TMEM200A: variants seen among roughly 807,000 people sequenced by gnomAD.
TMEM200A encodes transmembrane protein 200A.
TMEM200A carries 12 observed loss-of-function variants against 24.3 expected under a neutral mutation model. That is an observed-to-expected ratio of 0.49 (90% CI 0.32 to 0.80). The LOEUF (loss-of-function observed/expected upper bound fraction) is 0.80, where lower values mean the gene tolerates loss of function less well. Among genes scored for constraint, TMEM200A ranks in the 30% least tolerant of loss-of-function variants. The pLI is 0.04. For missense variants in TMEM200A, 545 were observed against 614.4 expected (o/e 0.89, Z 1.19); for synonymous variants, 224 against 224.4 (o/e 1.00, Z 0.02).
rs1780231939 is a variant in TMEM200A at position 130,442,883 on chromosome 6, T to TA, written c.*986dup. On this transcript the variant is annotated 3_prime_UTR_variant, in exon 3 of 3. Transcript: ENST00000296978. The stretch of plus-strand genomic sequence containing the variant: ...ACCTTGACATTTCTTTTTACCTTCA[T>TA]ATGCCACTATCTCGGTAGTTCAAAA... 1 of 166,858 alleles carries TA rather than the reference T, an allele frequency of 6.0e-6. No individual in the cohort carries two copies. The highest frequency in any genetic ancestry group is 2.4e-5 in the African/African-American group (1 of 41,438). The allele number at this position is 166,858 out of a possible 1,614,324, so 10.3% of individuals were successfully genotyped here.
In TMEM200A at chr6:130,441,551, G is replaced by T. The variant is rs749593534; in HGVS notation, c.1129G>T (p.Ala377Ser). 4 of 1,614,018 alleles carry T rather than the reference G, an allele frequency of 2.5e-6. No individual in the cohort carries two copies. Among genetic ancestry groups the T allele is most frequent in the Non-Finnish European group, 3.4e-6 (4 of 1,179,992 alleles). Residue 377 changes from alanine (A) to serine (S), a missense_variant, in exon 3 of 3, where the codon GCT (alanine) becomes TCT (serine). Physicochemically the swap from Ala to Ser is moderately conservative, Grantham distance 99. Transcript: ENST00000296978. The stretch of plus-strand genomic sequence containing the variant: ...GGCTGGACAGCTCTTGTCTCCTGGG[G>T]CTGCCAGAAGACAGTTTGGGTCCAA... Reference protein sequence around the residue: ...PGAGQLLSPGAARRQFGSNTS... With the variant: ...PGAGQLLSPGSARRQFGSNTS...
chr6:130,421,690 C>T (rs1779595511), intron 2 of TMEM200A, among the ~76,000 whole-genome samples: 1 of 152,156 alleles, frequency 6.6e-6, no homozygotes, highest in Non-Finnish European at 1.5e-5. Context: ...CTTTGACCAT[C>T]TCCCATTCCT....
chr6:130,365,632 G>A (rs1583162221), upstream of TMEM200A: 1 of 985,462 alleles, frequency 1.0e-6, no homozygotes, highest in East Asian at 1.1e-4. Context: ...GGTAACCGGT[G>A]GTCCCGCGGT....
Position 130,366,047 on chromosome 6 carries a change from C to A in TMEM200A, c.-558C>A. ...GAGCCGAGCAGAAAACTTTTCCCCT[C>A]CCGTTCCCGGTCCCTTTTGTCTTTC... On this transcript the variant is annotated 5_prime_UTR_variant, in exon 1 of 3. Coordinates refer to ENST00000296978, the MANE Select transcript of TMEM200A (RefSeq NM_001258277.2). This position sits in a 1 kb window ranked among gnomAD's most constrained non-coding sequence, Gnocchi z 4.4. The A allele has an allele frequency of 2.4e-5, 24 of 985,646 alleles. No individual in the cohort carries two copies. Among genetic ancestry groups the A allele is most frequent in the Non-Finnish European group, 2.8e-5 (23 of 830,094 alleles). The allele number at this position is 985,646 out of a possible 1,614,324, so 61.1% of individuals were successfully genotyped here. A position where few individuals can be genotyped will look rare whatever the true frequency, so the allele number is the denominator to read the frequency against.
chr6:130,371,828 T>G (rs1189161466), intron 1 of TMEM200A, among the ~76,000 whole-genome samples: 1 of 152,134 alleles, frequency 6.6e-6, no homozygotes, highest in Non-Finnish European at 1.5e-5. Context: ...CTGCCATGGC[T>G]TTAAATATCC....
At chr6:130,390,537 A>G (rs888693958) in intron 2 of TMEM200A, among the ~76,000 whole-genome samples, 6 of 152,234 alleles carry the variant, frequency 3.9e-5, no homozygotes, top group African/African-American at 1.4e-4. Flanking sequence ...AAGTATGTTA[A>G]AAAGCTTGAC....
chr6:130,402,639 GA>G (rs1313426291), intron 2 of TMEM200A, among the ~76,000 whole-genome samples: 1 of 151,820 alleles, frequency 6.6e-6, no homozygotes, highest in Non-Finnish European at 1.5e-5. Flanking sequence ...TCTACCTATG[GA>G]ATATACTGCA....
intron 2 of TMEM200A, among the ~76,000 whole-genome samples, chr6:130,416,021 G>T (rs80319233): frequency 0.024 from 3,623 of 151,904 alleles, 150 homozygotes; most frequent in African/African-American, 0.082. Flanking sequence ...TGACATTTAA[G>T]ATTTTTTATT....
At chr6:130,385,718 C>T (rs995487586) in intron 2 of TMEM200A, among the ~76,000 whole-genome samples, 2 of 152,186 alleles carry the variant, frequency 1.3e-5, no homozygotes, top group Admixed American at 6.6e-5. Flanking sequence ...AACCTGTAAT[C>T]TTTCATGCTG....
intron 2 of TMEM200A, among the ~76,000 whole-genome samples, chr6:130,425,051 C>T (rs1286298622): frequency 6.6e-6 from 1 of 152,072 alleles, no homozygotes. Context: ...GTTCTCTGTG[C>T]CCCATGAATA....
At chr6:130,434,461 G>A (rs1779952743) in intron 2 of TMEM200A, among the ~76,000 whole-genome samples, 1 of 152,176 alleles carries the variant, frequency 6.6e-6, no homozygotes, top group South Asian at 2.1e-4. Context: ...ATTGAACCAT[G>A]TCTAATGTAT....
intron 2 of TMEM200A, among the ~76,000 whole-genome samples, chr6:130,412,679 C>G (rs969918923): frequency 2.6e-5 from 4 of 152,162 alleles, no homozygotes; most frequent in African/African-American, 9.7e-5. Flanking sequence ...CACCAGGAAT[C>G]CTCTGCTGTG....
At chr6:130,415,273 T>C (rs1157459635) in intron 2 of TMEM200A, among the ~76,000 whole-genome samples, 1 of 152,152 alleles carries the variant, frequency 6.6e-6, no homozygotes, top group African/African-American at 2.4e-5. Context: ...GGTTTTTCTT[T>C]TCCTAGTGAG....
intron 2 of TMEM200A, among the ~76,000 whole-genome samples, chr6:130,418,923 C>G (rs60042028): frequency 0.02 from 3,009 of 152,150 alleles, 98 homozygotes; most frequent in African/African-American, 0.069. Context: ...GGGAACATAT[C>G]GAGTCCTCTC....
rs1305385292 is a variant in TMEM200A, at chr6:130,366,526, TG to T, written c.-81+3del. The T allele has an allele frequency of 7.8e-5, 77 of 983,130 alleles. No individual in the cohort carries two copies. The African/African-American group carries it at 1.4e-3, about 17-fold the overall frequency. The allele number at this position is 983,130 out of a possible 1,614,324, so 60.9% of individuals were successfully genotyped here. On this transcript the variant is annotated splice_donor_region_variant and intron_variant, in intron 1 of 2. Coordinates refer to ENST00000296978, the MANE Select transcript of TMEM200A (RefSeq NM_001258277.2). This position sits in a 1 kb window ranked among gnomAD's most constrained non-coding sequence, Gnocchi z 4.4. ...CCCAGGGCCCGGTGCTCAGGACAGG[TG>T]AGGGGAAGGAAAGGGTGCTGACGGG...
At chr6:130,439,182 A>G (rs527929513) in intron 2 of TMEM200A, 1 of 152,346 alleles carries the variant, frequency 6.6e-6, no homozygotes, top group East Asian at 1.9e-4. Flanking sequence ...AACTTCAGAG[A>G]TGATTGATTA....
intron 2 of TMEM200A, among the ~76,000 whole-genome samples, chr6:130,389,338 T>G (rs1778783585): frequency 6.6e-6 from 1 of 152,200 alleles, no homozygotes; most frequent in African/African-American, 2.4e-5. Context: ...TGTAGTGCAC[T>G]GAACAGAAGG....
chr6:130,422,407 T>C (rs1376298074), intron 2 of TMEM200A, among the ~76,000 whole-genome samples: 1 of 152,144 alleles, frequency 6.6e-6, no homozygotes, highest in Non-Finnish European at 1.5e-5. Flanking sequence ...CAGCTGGGAC[T>C]AAAAATGCAT....
At chr6:130,392,320 A>G (rs183862960) in intron 2 of TMEM200A, among the ~76,000 whole-genome samples, 179 of 152,280 alleles carry the variant, frequency 1.2e-3, no homozygotes, top group African/African-American at 4.2e-3. Context: ...TCAACCAAAT[A>G]CTTGAGAGCT....
Sources: allele counts gnomAD v4.1 joint callset (sites outside exome capture counted in the v4.1 genomes callset), GRCh38; gene constraint gnomAD v4.1.1; non-coding constraint Gnocchi (gnomAD v3.1); transcripts MANE v1.5; gene names NCBI Gene and HGNC (gene_info 2026-07-23, HGNC 2026-07-21).